The following PALLD variants were observed in gnomAD, a reference collection of about 807,000 sequenced individuals.
PALLD encodes the protein palladin.
PALLD carries 61 observed loss-of-function variants against 123.5 expected under a neutral mutation model. That is an observed-to-expected ratio of 0.49 (90% CI 0.40 to 0.61). The LOEUF is 0.61. PALLD is among the 20% of genes least tolerant of loss of function. The pLI, the probability that PALLD is intolerant of heterozygous loss-of-function variation, is 0.00. For missense variants in PALLD, 1,273 were observed against 1,377.0 expected, an observed-to-expected ratio of 0.92 and a Z score of 1.20; for synonymous variants, 465 against 496.4, an observed-to-expected ratio of 0.94 and a Z score of 0.84.
intron 10 of PALLD, among the ~76,000 whole-genome samples, chr4:168,722,033 A>G (rs1786069761): frequency 1.3e-5 from 2 of 152,056 alleles, no homozygotes; most frequent in Non-Finnish European, 2.9e-5. Flanking sequence ...TGAATAAGCT[A>G]TTTATGTATA....
intron 10 of PALLD, among the ~76,000 whole-genome samples, chr4:168,764,861 T>C (rs1733449349): frequency 6.6e-6 from 1 of 152,184 alleles, no homozygotes; most frequent in African/African-American, 2.4e-5. Context: ...AACACCTTTG[T>C]CAGCTCTTTC....
At chr4:168,777,198 A>G (rs568299170) in intron 10 of PALLD, among the ~76,000 whole-genome samples, 216 of 152,260 alleles carry the variant, frequency 1.4e-3, no homozygotes, top group Non-Finnish European at 2.0e-3. Flanking sequence ...GGACTTTTCA[A>G]CCTTCCTGAG....
At chr4:168,669,007 A>G (rs1239905006) in intron 3 of PALLD, among the ~76,000 whole-genome samples, 1 of 152,228 alleles carries the variant, frequency 6.6e-6, no homozygotes, top group Non-Finnish European at 1.5e-5. Context: ...TTGTGTTTTG[A>G]TCAATACCAA....
intron 10 of PALLD, among the ~76,000 whole-genome samples, chr4:168,813,112 G>GA (rs1002085462): frequency 4.0e-5 from 6 of 151,388 alleles, no homozygotes; most frequent in African/African-American, 1.5e-4. Context: ...TTTTGGGGGG[G>GA]GCGGAAATGA....
rs932803535 is a variant in PALLD, at chr4:168,877,996, G to C, written c.1965-12926G>C. 6.7e-7 allele frequency: 1 copy of C among 1,498,860 alleles called. No homozygotes were observed. Among genetic ancestry groups the C allele is most frequent in the Non-Finnish European group, 8.9e-7 (1 of 1,129,828 alleles). The allele number at this position is 1,498,860 out of a possible 1,614,324, so 92.8% of individuals were successfully genotyped here. A position where few individuals can be genotyped will look rare whatever the true frequency, so the allele number is the denominator to read the frequency against. ...TCGCCGCGCAGAACCTCGGGCCCGCGTCGGGCCACGGCACGCCGGCCTCCA... is the reference window on the plus strand; with the variant it reads ...TCGCCGCGCAGAACCTCGGGCCCGCCTCGGGCCACGGCACGCCGGCCTCCA... On this transcript the variant is annotated intron_variant, in intron 10 of 21. Coordinates refer to ENST00000505667, the MANE Select transcript of PALLD (RefSeq NM_001166108.2).
At chr4:168,749,386 G>A (rs529418121) in intron 10 of PALLD, among the ~76,000 whole-genome samples, 1 of 148,662 alleles carries the variant, frequency 6.7e-6, no homozygotes, top group South Asian at 2.2e-4. Flanking sequence ...CTAATTGAGT[G>A]AGTGACTTCC....
chr4:168,578,095 T>C (rs1769824708), intron 2 of PALLD, among the ~76,000 whole-genome samples: 3 of 152,100 alleles, frequency 2.0e-5, no homozygotes, highest in Admixed American at 2.0e-4. Context: ...CACAAACAAC[T>C]TGTTAATTTG....
chr4:168,831,554 A>G (rs973147523), intron 10 of PALLD, among the ~76,000 whole-genome samples: 6 of 152,174 alleles, frequency 3.9e-5, no homozygotes, highest in African/African-American at 1.4e-4. Context: ...TTAATGTCAC[A>G]CAATCGTTTT....
At chr4:168,745,621 T>G (rs1436053502) in intron 10 of PALLD, among the ~76,000 whole-genome samples, 1 of 152,212 alleles carries the variant, frequency 6.6e-6, no homozygotes, top group African/African-American at 2.4e-5. Context: ...AATGGTATTT[T>G]CATTTTACAA....
intron 10 of PALLD, among the ~76,000 whole-genome samples, chr4:168,778,918 TC>T (rs1186887931): frequency 1.3e-5 from 2 of 152,206 alleles, no homozygotes; most frequent in African/African-American, 4.8e-5. Flanking sequence ...GCTGTAGCCT[TC>T]CAGTGCTTCG....
intron 2 of PALLD, among the ~76,000 whole-genome samples, chr4:168,639,477 G>C (rs1426240066): frequency 1.3e-5 from 2 of 152,046 alleles, no homozygotes; most frequent in Non-Finnish European, 2.9e-5. Flanking sequence ...TGAATCATAA[G>C]AAATGTTTTC....
chr4:168,686,889 G>A (rs1782114513), intron 6 of PALLD, among the ~76,000 whole-genome samples: 1 of 152,200 alleles, frequency 6.6e-6, no homozygotes, highest in South Asian at 2.1e-4. Flanking sequence ...CGTTTTAAAG[G>A]TATAGTAATT....
At chr4:168,542,228 C>G (rs1044490426) in intron 2 of PALLD, among the ~76,000 whole-genome samples, 1 of 151,958 alleles carries the variant, frequency 6.6e-6, no homozygotes, top group African/African-American at 2.4e-5. Context: ...CAGTTTGTCT[C>G]TGGGATCTGT....
intron 2 of PALLD, among the ~76,000 whole-genome samples, chr4:168,514,017 A>AT (rs1762768879): frequency 2.0e-5 from 3 of 152,134 alleles, no homozygotes; most frequent in African/African-American, 7.2e-5. Context: ...GAGGCACAAG[A>AT]ATCACTTGAA....
rs746748544 is a variant in PALLD, at chr4:168,512,214, CT to C, written c.711del (p.Ala239ProfsTer39). 6.2e-7 allele frequency: 1 copy of C among 1,613,806 alleles called. No homozygotes were observed. Among genetic ancestry groups the C allele is most frequent in the South Asian group, 1.1e-5 (1 of 91,074 alleles). ...GAGATGGAAAGAGAGGTCAAGTCCC[CT>C]GGGGCCAGGCATTGCTACCAGGACA... The part of the protein sequence containing the change: ...QGEMEREVKS[P>X]GARHCYQDNQ... On this transcript the variant is annotated frameshift_variant, in exon 2 of 22. Coordinates refer to ENST00000505667, the MANE Select transcript of PALLD (RefSeq NM_001166108.2). LOFTEE classifies it high-confidence loss of function.
In PALLD at chr4:168,875,203, A is replaced by G. The variant is rs181085496; in HGVS notation, c.1965-15719A>G. On this transcript the variant is annotated intron_variant, in intron 10 of 21. Transcript: ENST00000505667. Reference sequence around the variant, plus strand: ...CATGTTTTCAGAGAAAAGACAGCAGAAAAAAAAACGGAGAAACTAAAGAAG... The same window carrying G: ...CATGTTTTCAGAGAAAAGACAGCAGGAAAAAAAACGGAGAAACTAAAGAAG... 4.9e-3 allele frequency among the ~76,000 whole-genome samples: 737 copies of G among 150,690 alleles called. 7 individuals carry two copies. Among genetic ancestry groups the G allele is most frequent in the Admixed American group, 5.6e-3 (85 of 15,096 alleles).
At chr4:168,584,519 TAAC>T (rs1315296758) in intron 2 of PALLD, among the ~76,000 whole-genome samples, 1 of 152,226 alleles carries the variant, frequency 6.6e-6, no homozygotes, top group Non-Finnish European at 1.5e-5. Context: ...GAGTATGTGT[TAAC>T]AATCTTAATT....
At chr4:168,587,913 A>G (rs73863988) in intron 2 of PALLD, among the ~76,000 whole-genome samples, 3,328 of 152,136 alleles carry the variant, frequency 0.022, 102 homozygotes, top group African/African-American at 0.075. Context: ...TAAGGCTGCA[A>G]GCAGGAGGGG....
chr4:168,528,126 G>C (rs867671565), intron 2 of PALLD, among the ~76,000 whole-genome samples: 1 of 152,102 alleles, frequency 6.6e-6, no homozygotes, highest in Non-Finnish European at 1.5e-5. Flanking sequence ...TCTCTTTCTA[G>C]CTAGGACCAC....
Sources: allele counts gnomAD v4.1 joint callset (sites outside exome capture counted in the v4.1 genomes callset), GRCh38; gene constraint gnomAD v4.1.1; transcripts MANE v1.5; gene names NCBI Gene and HGNC (gene_info 2026-07-23, HGNC 2026-07-21).